Variants in LYSMD4 observed in about 807,000 individuals in gnomAD.
The protein encoded by LYSMD4 is lysM and putative peptidoglycan-binding domain-containing protein 4.
Under a neutral mutation model 6.1 loss-of-function variants are expected in LYSMD4, and 9 were observed. The ratio of observed to expected loss-of-function variants is 1.47; its 90% CI spans 0.88 to 2.56. The LOEUF is 2.56. LYSMD4 is among the 30% of genes most tolerant of loss of function. The pLI, the probability that LYSMD4 is intolerant of heterozygous loss-of-function variation, is 0.00. For missense variants in LYSMD4, 384 were observed against 373.5 expected, an observed-to-expected ratio of 1.03 and a Z score of -0.23; for synonymous variants, 143 against 148.5, an observed-to-expected ratio of 0.96 and a Z score of 0.27.
At chr15:99,731,225 G>A in intron 2 of LYSMD4, 1 of 1,611,132 alleles carries the variant, frequency 6.2e-7, no homozygotes, top group Non-Finnish European at 8.5e-7. Flanking sequence ...AGAAAAACAG[G>A]GTTATATAGA....
intron 2 of LYSMD4, among the ~76,000 whole-genome samples, chr15:99,730,484 T>A (rs1013606148): frequency 2.6e-5 from 4 of 152,228 alleles, no homozygotes; most frequent in African/African-American, 7.2e-5. Flanking sequence ...TTGAAAACTT[T>A]CCAAAAGCAT....
At chr15:99,732,063 C>T (rs2059432277) in intron 1 of LYSMD4, 56 bp from the exon 2 acceptor site, 1 of 1,482,054 alleles carries the variant, frequency 6.7e-7, no homozygotes, top group African/African-American at 1.4e-5. Context: ...CCCTCCACCG[C>T]CTCGTTTAAA....
chr15:99,715,742 A>G (rs893125083), exon 1 of LYSMD4: 10 of 152,218 alleles, frequency 6.6e-5, no homozygotes, highest in African/African-American at 2.4e-4. Context: ...CAAAAGCAAA[A>G]AAAGCTTAAA....
In LYSMD4 at chr15:99,728,452, CTG is replaced by C. The variant is rs747317434; in HGVS notation, c.*669_*670del. 7.2e-5 allele frequency: 11 copies of C among 153,730 alleles called. No homozygotes were observed. Among genetic ancestry groups the C allele is most frequent in the African/African-American group, 2.2e-4 (9 of 41,478 alleles). The allele number at this position is 153,730 out of a possible 1,614,324, so 9.5% of individuals were successfully genotyped here. A position where few individuals can be genotyped will look rare whatever the true frequency, so the allele number is the denominator to read the frequency against. On this transcript the variant is annotated 3_prime_UTR_variant, in exon 3 of 3. Transcript: ENST00000684762. ...TGTGTGTGCTTGGCCTGGGAGATGC[CTG>C]TGTGTCACACTAAGCCACTCTAAAA...
downstream of LYSMD4, among the ~76,000 whole-genome samples, chr15:99,724,930 G>A (rs962688321): frequency 6.6e-6 from 1 of 152,202 alleles, no homozygotes; most frequent in Non-Finnish European, 1.5e-5. Context: ...TGGCGGTGCA[G>A]GAGCAAGGAG....
upstream of LYSMD4, among the ~76,000 whole-genome samples, chr15:99,722,118 G>A (rs1567545788): frequency 6.6e-6 from 1 of 152,224 alleles, no homozygotes; most frequent in Non-Finnish European, 1.5e-5. Context: ...AAGTAGGCGG[G>A]ACAATTCCCA....
upstream of LYSMD4, among the ~76,000 whole-genome samples, chr15:99,718,909 GCACACA>G (rs57143734): frequency 2.3e-3 from 340 of 150,682 alleles, 1 homozygote; most frequent in East Asian, 0.02. Context: ...GTAGTTATGC[GCACACA>G]CACACACACA....
At chr15:99,715,774 T>G (rs2059091464) in exon 1 of LYSMD4, 1 of 152,230 alleles carries the variant, frequency 6.6e-6, no homozygotes, top group Non-Finnish European at 1.5e-5. Context: ...AAAGTACAGT[T>G]TCCAACAGCT....
At chr15:99,723,171 A>G (rs535309590), downstream of LYSMD4, among the ~76,000 whole-genome samples, 3 of 152,274 alleles carry the variant, frequency 2.0e-5, no homozygotes, top group Non-Finnish European at 4.4e-5. Context: ...TAAATGAGCT[A>G]TATAATTGGA....
At chr15:99,723,576 G>C (rs1473580463), downstream of LYSMD4, among the ~76,000 whole-genome samples, 1 of 152,184 alleles carries the variant, frequency 6.6e-6, no homozygotes, top group Non-Finnish European at 1.5e-5. Context: ...GAAGCCTCTG[G>C]CCTGAGCGTG....
upstream of LYSMD4, among the ~76,000 whole-genome samples, chr15:99,720,043 A>T (rs1208814793): frequency 6.6e-6 from 1 of 152,062 alleles, no homozygotes; most frequent in Non-Finnish European, 1.5e-5. Flanking sequence ...CCAACTTGTA[A>T]GGGTTACTTT....
chr15:99,732,852 C>T (rs1597396578), intron 1 of LYSMD4: 1 of 153,256 alleles, frequency 6.5e-6, no homozygotes, highest in Non-Finnish European at 1.5e-5. Context: ...GTCACAGGCC[C>T]ACACCCCGCT....
chr15:99,718,907 G>GCGCACACA (rs992041479), upstream of LYSMD4, among the ~76,000 whole-genome samples: 1 of 72,230 alleles, frequency 1.4e-5, no homozygotes, highest in Non-Finnish European at 3.0e-5. Context: ...ATGTAGTTAT[G>GCGCACACA]CGCACACACA....
At chr15:99,731,599 A>C in intron 2 of LYSMD4, 119 bp downstream of exon 2, 3 of 1,524,512 alleles carry the variant, frequency 2.0e-6, no homozygotes, top group Non-Finnish European at 2.6e-6. Context: ...TGGCTGCTAC[A>C]GCAGGCCTCT....
intron 2 of LYSMD4, 28 bp downstream of exon 2, chr15:99,731,690 G>A (rs375941156): frequency 1.3e-6 from 2 of 1,549,532 alleles, no homozygotes; most frequent in South Asian, 1.2e-5. Flanking sequence ...GAAACGGAGC[G>A]GGGCAGGGCC....
Position 99,728,934 on chromosome 15 carries a change from G to C in LYSMD4, c.*189C>G. ...AGGGGCCGAGGTCGCTGCTGTTTTA[G>C]ATCCTGCCAGCTTAGACTGGGTAAG... On this transcript the variant is annotated 3_prime_UTR_variant, in exon 3 of 3. Coordinates refer to ENST00000684762, the MANE Select transcript of LYSMD4 (RefSeq NM_001284417.2). 2 of 777,656 alleles carry C rather than the reference G, an allele frequency of 2.6e-6. No homozygotes were observed. The highest frequency in any genetic ancestry group is 4.1e-6 in the Non-Finnish European group (2 of 483,832). The allele number at this position is 777,656 out of a possible 1,614,324, so 48.2% of individuals were successfully genotyped here.
rs752330835 is a variant in LYSMD4, at chr15:99,729,620, C to A, written c.394G>T (p.Glu132Ter). ...NHGILMETHK[E>*]LKPLLSPSSE... is the part of the protein sequence containing the mutation. The stretch of plus-strand genomic sequence containing the variant: ...GACGGGCTCAGAAGGGGTTTCAGTT[C>A]TTTGTGGGTCTCCATCAGGATCCCA... Residue 132 changes from glutamate (E) to a stop codon, truncating the protein, a stop_gained, in exon 3 of 3, where the codon GAA becomes TAA. Transcript: ENST00000684762. LOFTEE classifies it low-confidence loss of function (END_TRUNC). The A allele has an allele frequency of 6.2e-7, 1 of 1,614,120 alleles. No individual in the cohort carries two copies. Among genetic ancestry groups the A allele is most frequent in the South Asian group, 1.1e-5 (1 of 91,074 alleles).
In LYSMD4 at chr15:99,729,326, T is replaced by C; in HGVS notation, c.688A>G (p.Ile230Val). The change falls in exon 3 of 3, where the codon ATT (isoleucine) becomes GTT (valine). Residue 230 changes from isoleucine (I) to valine (V), a missense_variant. By Grantham distance (29) the Ile-to-Val change is conservative (BLOSUM62 3). Transcript: ENST00000684762. The stretch of plus-strand genomic sequence containing the variant: ...ACCAAATAAAAGACAGGCAAGACAA[T>C]ACCAATCAGCAGCATGATGAAAACA... ...NAVFIMLLIG[I>V]VLPVFYLVYF... 6.2e-7 allele frequency: 1 copy of C among 1,614,184 alleles called. No homozygotes were observed. The highest frequency in any genetic ancestry group is 8.5e-7 in the Non-Finnish European group (1 of 1,180,032).
intron 2 of LYSMD4, 88 bp from the exon 3 acceptor site, chr15:99,729,819 G>T: frequency 7.0e-7 from 1 of 1,435,512 alleles, no homozygotes; most frequent in East Asian, 2.3e-5. Flanking sequence ...CTTTCTGGGT[G>T]ATGATTCAAG....
Sources: allele counts gnomAD v4.1 joint callset (sites outside exome capture counted in the v4.1 genomes callset), GRCh38; gene constraint gnomAD v4.1.1; transcripts MANE v1.5; gene names NCBI Gene and HGNC (gene_info 2026-07-23, HGNC 2026-07-21).